MYOM2: variants seen among roughly 807,000 people sequenced by gnomAD.
MYOM2 encodes myomesin-2.
MYOM2 carries 254 observed loss-of-function variants against 187.6 expected under a neutral mutation model. The ratio of observed to expected loss-of-function variants is 1.35; its 90% CI spans 1.22 to 1.50. MYOM2 has a LOEUF of 1.50. Ranked by LOEUF, MYOM2 falls within the 40% of genes most tolerant of loss-of-function variation. The pLI is 0.00. For missense variants in MYOM2, 2,796 were observed against 1,924.0 expected (o/e 1.45, Z -8.48); for synonymous variants, 981 against 753.8 (o/e 1.30, Z -4.94).
Position 2,075,264 on chromosome 8 carries a change from T to G in MYOM2, c.1121-877T>G, listed in dbSNP as rs1029788059. 7.9e-5 allele frequency among the ~76,000 whole-genome samples: 12 copies of G among 152,258 alleles called. No individual in the cohort carries two copies. The South Asian group carries it at 2.5e-3, about 32-fold the overall frequency. ...GGCGTTAAATGTCCCTTCCGTCTTC[T>G]GCATGTGCCTGCTGGTATGATGCTC... is the stretch of plus-strand genomic sequence containing the variant. On this transcript the variant is annotated intron_variant, in intron 10 of 36. Coordinates refer to ENST00000262113, the MANE Select transcript of MYOM2 (RefSeq NM_003970.4).
Position 2,132,761 on chromosome 8 carries a change from A to G in MYOM2, c.3800+3529A>G, listed in dbSNP as rs545790991. On this transcript the variant is annotated intron_variant, in intron 32 of 36. Transcript: ENST00000262113. ...GCATACAAAGAAGTGCATGCTTCAA[A>G]CTCCAAATGTGTATTTTAATTCATT... is the stretch of plus-strand genomic sequence containing the variant. Among the ~76,000 whole-genome samples, 33 of 152,264 alleles carry G rather than the reference A, an allele frequency of 2.2e-4. No homozygotes were observed. The South Asian group carries it at 6.6e-3, about 31-fold the overall frequency.
intron 13 of MYOM2, among the ~76,000 whole-genome samples, chr8:2,083,711 AC>A (rs1351413138): frequency 6.6e-6 from 1 of 151,716 alleles, no homozygotes; most frequent in Non-Finnish European, 1.5e-5. Flanking sequence ...ACCCTTTTGA[AC>A]CCTTTTCTCC....
chr8:2,110,740 C>T (rs757268443), intron 25 of MYOM2, among the ~76,000 whole-genome samples: 9 of 152,168 alleles, frequency 5.9e-5, no homozygotes, highest in Non-Finnish European at 1.2e-4. Flanking sequence ...CCGGGCAGCC[C>T]CCCTACCATA....
At chr8:2,071,528 C>T (rs1025604092) in intron 8 of MYOM2, among the ~76,000 whole-genome samples, 2 of 152,114 alleles carry the variant, frequency 1.3e-5, no homozygotes, top group Non-Finnish European at 1.5e-5. Context: ...AGGAGGCAGC[C>T]GTGGCTTCCA....
chr8:2,061,139 C>A (rs986182663), intron 6 of MYOM2, among the ~76,000 whole-genome samples: 1 of 151,898 alleles, frequency 6.6e-6, no homozygotes, highest in Non-Finnish European at 1.5e-5. Flanking sequence ...AAGCCTGGGG[C>A]CTGGTTGGGA....
chr8:2,048,351 C>A (rs1818374912), intron 1 of MYOM2, among the ~76,000 whole-genome samples: 1 of 152,212 alleles, frequency 6.6e-6, no homozygotes, highest in Non-Finnish European at 1.5e-5. Context: ...CTGGTGAACT[C>A]CAGAGAGAGT....
chr8:2,112,977 C>T (rs1797116829), intron 25 of MYOM2, among the ~76,000 whole-genome samples: 1 of 152,168 alleles, frequency 6.6e-6, no homozygotes, highest in African/African-American at 2.4e-5. Context: ...CTCATGTGGC[C>T]CCAAGAGCCT....
chr8:2,090,138 GC>G lies in MYOM2; in HGVS notation c.1777del (p.Leu593Ter), dbSNP rs781334135. On this transcript the variant is annotated frameshift_variant, in exon 15 of 37. Coordinates refer to ENST00000262113, the MANE Select transcript of MYOM2 (RefSeq NM_003970.4). LOFTEE classifies it high-confidence loss of function. Reference protein sequence around the residue: ...VFRVLSANRHGLSEPSEITSP... With the variant: ...VFRVLSANRHXLSEPSEITSP... Reference sequence around the variant, plus strand: ...CGAGTGCTGTCAGCAAACCGGCATGGCCTGAGCGAACCTTCGGAGATAACGT... The same window carrying G: ...CGAGTGCTGTCAGCAAACCGGCATGGCTGAGCGAACCTTCGGAGATAACGT... The G allele has an allele frequency of 6.2e-7, 1 of 1,613,966 alleles. No homozygotes were observed. Among genetic ancestry groups the G allele is most frequent in the African/African-American group, 1.3e-5 (1 of 74,920 alleles).
rs370034708 is a variant in MYOM2, at chr8:2,094,050, A to G, written c.2084A>G (p.Asn695Ser). ...GTCAATGCTGTGGGGATGAGTGAAA[A>G]TTCCCAGGAATCAGACGTCATAAAA... is the stretch of plus-strand genomic sequence containing the variant. Reference protein sequence around the residue: ...KAVNAVGMSENSQESDVIKVQ... With the variant: ...KAVNAVGMSESSQESDVIKVQ... The change falls in exon 17 of 37, where the codon AAT (asparagine) becomes AGT (serine). Residue 695 changes from asparagine to serine, a missense_variant. By Grantham distance (46) the Asn-to-Ser change is conservative. Coordinates refer to ENST00000262113, the MANE Select transcript of MYOM2 (RefSeq NM_003970.4). The G allele has an allele frequency of 6.2e-7, 1 of 1,614,080 alleles. No individual in the cohort carries two copies. The highest frequency in any genetic ancestry group is 8.5e-7 in the Non-Finnish European group (1 of 1,180,032).
intron 31 of MYOM2, among the ~76,000 whole-genome samples, chr8:2,125,322 C>G (rs955270192): frequency 2.6e-5 from 4 of 152,156 alleles, no homozygotes; most frequent in African/African-American, 9.7e-5. Flanking sequence ...TTCAGTGTTT[C>G]CAGCACCACT....
chr8:2,129,293 C>A, intron 32 of MYOM2, 61 bp downstream of exon 32: 3 of 1,169,088 alleles, frequency 2.6e-6, no homozygotes, highest in South Asian at 1.3e-5. Context: ...GGGCGCACAG[C>A]TGGGACCAGG....
chr8:2,142,519 A>C (rs1798308066), intron 35 of MYOM2, 122 bp downstream of exon 35: 3 of 954,046 alleles, frequency 3.1e-6, no homozygotes, highest in Admixed American at 1.7e-5. Flanking sequence ...ACCCTGATGT[A>C]ACAACGCCAC....
rs1284571535 is a variant in MYOM2, at chr8:2,076,346, T to C, written c.1262+64T>C. 4.5e-6 allele frequency: 7 copies of C among 1,562,404 alleles called. No homozygotes were observed. The Admixed American group carries it at 9.4e-5, about 21-fold the overall frequency. On this transcript the variant is annotated intron_variant, in intron 11 of 36. Coordinates refer to ENST00000262113, the MANE Select transcript of MYOM2 (RefSeq NM_003970.4). ...GCATGGAATCTTACCATGGACAATATATTGAGAAATTTTTCTCAATGCAGG... is the reference window on the plus strand; with the variant it reads ...GCATGGAATCTTACCATGGACAATACATTGAGAAATTTTTCTCAATGCAGG...
chr8:2,135,910 A>G (rs1798052572), intron 32 of MYOM2, among the ~76,000 whole-genome samples: 1 of 152,216 alleles, frequency 6.6e-6, no homozygotes, highest in African/African-American at 2.4e-5. Flanking sequence ...AGGGGAAGCC[A>G]AATGAGTGGG....
Position 2,116,122 on chromosome 8 carries a change from T to C in MYOM2, c.3325+18T>C. 1 of 1,547,566 alleles carries C rather than the reference T, an allele frequency of 6.5e-7. No homozygotes were observed. On this transcript the variant is annotated intron_variant, in intron 26 of 36. Transcript: ENST00000262113. ...TGGAGATGGTATGCTATATCGAATA[T>C]TTCCACGTCCATACAAGATAATTCA...
At chr8:2,096,535 C>A (rs374972741) in intron 18 of MYOM2, 101 bp downstream of exon 18, 2 of 1,112,370 alleles carry the variant, frequency 1.8e-6, no homozygotes, top group Non-Finnish European at 2.6e-6. Flanking sequence ...TTGATACAGA[C>A]ACAAAAATGG....
intron 19 of MYOM2, chr8:2,100,551 G>C: frequency 3.3e-6 from 1 of 301,078 alleles, no homozygotes; most frequent in Non-Finnish European, 6.3e-6. Flanking sequence ...GCCCCGTGGA[G>C]GGTAACTTGA....
intron 25 of MYOM2, among the ~76,000 whole-genome samples, chr8:2,115,419 A>T (rs1239380037): frequency 6.6e-6 from 1 of 152,188 alleles, no homozygotes; most frequent in East Asian, 1.9e-4. Flanking sequence ...GAAACATTTA[A>T]AAAATAAAAG....
intron 32 of MYOM2, among the ~76,000 whole-genome samples, chr8:2,134,102 A>G (rs540761507): frequency 2.0e-5 from 3 of 151,530 alleles, no homozygotes; most frequent in East Asian, 3.9e-4. Context: ...ATGATGTAAT[A>G]CTATTAACTC....
Sources: gnomAD v4.1 joint callset for allele counts (sites outside exome capture counted in the v4.1 genomes callset) on GRCh38, gnomAD v4.1.1 for gene constraint, MANE v1.5 for transcripts, NCBI Gene and HGNC (gene_info 2026-07-23, HGNC 2026-07-21) for gene names.